Variants in EHBP1 observed in about 807,000 individuals in gnomAD.
EHBP1 encodes EH domain binding protein 1.
A neutral mutation model predicts 144.0 loss-of-function variants in EHBP1; 55 were observed. That is an observed-to-expected ratio of 0.38 (90% CI 0.31 to 0.48). The LOEUF (loss-of-function observed/expected upper bound fraction) is 0.48. EHBP1 is among the 20% of genes least tolerant of loss of function. The pLI, the probability that EHBP1 is intolerant of heterozygous loss-of-function variation, is 0.98. For missense variants in EHBP1, 1,200 were observed against 1,364.2 expected, an observed-to-expected ratio of 0.88 and a Z score of 1.90; for synonymous variants, 469 against 472.7, an observed-to-expected ratio of 0.99 and a Z score of 0.10.
intron 3 of EHBP1, among the ~76,000 whole-genome samples, chr2:62,759,416 G>A (rs1212124912): frequency 1.3e-5 from 2 of 151,818 alleles, no homozygotes; most frequent in African/African-American, 2.4e-5. Context: ...TTTTTCTTTT[G>A]TTTTTTTGAG....
At chr2:62,691,539 T>G (rs2033905158) in intron 1 of EHBP1, among the ~76,000 whole-genome samples, 1 of 152,224 alleles carries the variant, frequency 6.6e-6, no homozygotes, top group Non-Finnish European at 1.5e-5. Context: ...GGGGTTTTTA[T>G]TTCTAGAGAA....
intron 5 of EHBP1, among the ~76,000 whole-genome samples, chr2:62,782,019 C>A (rs2042455919): frequency 6.6e-6 from 1 of 152,134 alleles, no homozygotes; most frequent in African/African-American, 2.4e-5. Context: ...GTGACACGCC[C>A]AAGAACACAC....
chr2:62,955,504 C>A lies in EHBP1; in HGVS notation c.2317-13C>A. 6.3e-7 allele frequency: 1 copy of A among 1,585,342 alleles called. No homozygotes were observed. Among genetic ancestry groups the A allele is most frequent in the Admixed American group, 1.8e-5 (1 of 55,974 alleles). ...TTTTTTTTGGCTTCTAATTCTGTAT[C>A]TTTGCTTTTAAGCATCGATTGTTAT... On this transcript the variant is annotated splice_polypyrimidine_tract_variant and intron_variant, in intron 13 of 22. Coordinates refer to ENST00000431489, the MANE Select transcript of EHBP1 (RefSeq NM_001142616.3).
intron 5 of EHBP1, among the ~76,000 whole-genome samples, chr2:62,807,087 C>T (rs549022038): frequency 6.6e-6 from 1 of 152,170 alleles, no homozygotes; most frequent in South Asian, 2.1e-4. Context: ...ATGAAACCCA[C>T]TGACACTGAG....
At chr2:62,769,332 GT>G (rs1351589485) in intron 4 of EHBP1, among the ~76,000 whole-genome samples, 2 of 152,100 alleles carry the variant, frequency 1.3e-5, no homozygotes, top group African/African-American at 4.8e-5. Context: ...AAATCAATGT[GT>G]AAAAATCACT....
intron 1 of EHBP1, among the ~76,000 whole-genome samples, chr2:62,683,658 CAAA>C (rs397936534): frequency 0.027 from 1,349 of 50,008 alleles, 22 homozygotes; most frequent in East Asian, 0.12. Context: ...GACTCCATCT[CAAA>C]AAAAAAAAAA....
intron 3 of EHBP1, among the ~76,000 whole-genome samples, chr2:62,749,296 C>T (rs568095012): frequency 6.6e-5 from 10 of 152,302 alleles, no homozygotes; most frequent in African/African-American, 2.2e-4. Context: ...TCATCCATGT[C>T]CCTTCAAAGG....
At chr2:62,753,618 C>T (rs2039971497) in intron 3 of EHBP1, among the ~76,000 whole-genome samples, 1 of 152,152 alleles carries the variant, frequency 6.6e-6, no homozygotes, top group African/African-American at 2.4e-5. Flanking sequence ...GTTCCATTCT[C>T]CCTGTCACTC....
intron 10 of EHBP1, among the ~76,000 whole-genome samples, chr2:62,933,553 G>T (rs959042852): frequency 6.6e-6 from 1 of 152,054 alleles, no homozygotes; most frequent in Non-Finnish European, 1.5e-5. Flanking sequence ...TATTTCTTTG[G>T]AAAACATTGA....
chr2:62,693,688 C>T (rs1318408858), intron 1 of EHBP1, among the ~76,000 whole-genome samples: 3 of 152,156 alleles, frequency 2.0e-5, no homozygotes, highest in African/African-American at 7.2e-5. Context: ...ACTATAGTCA[C>T]CCTACTGTGC....
In EHBP1 at chr2:62,921,671, A is replaced by G. The variant is rs557427154; in HGVS notation, c.1186-21047A>G. ...TAAGTCCCTTCTTATCACAAATTACAGTAGACCACTCGACAATGTAGGGAT... is the reference window on the plus strand; with the variant it reads ...TAAGTCCCTTCTTATCACAAATTACGGTAGACCACTCGACAATGTAGGGAT... On this transcript the variant is annotated intron_variant, in intron 10 of 22. Coordinates refer to ENST00000431489, the MANE Select transcript of EHBP1 (RefSeq NM_001142616.3). Among the ~76,000 whole-genome samples, 35 of 152,286 alleles carry G rather than the reference A, an allele frequency of 2.3e-4. No homozygotes were observed. In the South Asian group the frequency reaches 3.5e-3, roughly 15 times the overall value.
intron 15 of EHBP1, among the ~76,000 whole-genome samples, chr2:62,983,780 G>A (rs2059073745): frequency 6.6e-6 from 1 of 152,238 alleles, no homozygotes; most frequent in Non-Finnish European, 1.5e-5. Context: ...GACCTCAGGT[G>A]ATCCGTCTGC....
At chr2:62,806,356 T>G (rs778925339) in intron 5 of EHBP1, among the ~76,000 whole-genome samples, 9 of 151,932 alleles carry the variant, frequency 5.9e-5, no homozygotes, top group Non-Finnish European at 1.2e-4. Flanking sequence ...CTTTTTGTGG[T>G]TTTTCGTTTG....
At chr2:62,753,182 T>TG (rs2039923796) in intron 3 of EHBP1, among the ~76,000 whole-genome samples, 1 of 152,354 alleles carries the variant, frequency 6.6e-6, no homozygotes, top group South Asian at 2.1e-4. Context: ...CATGAGCTCT[T>TG]GTAGGGCAGG....
chr2:62,898,828 G>A (rs1186713336), intron 10 of EHBP1, among the ~76,000 whole-genome samples: 1 of 152,058 alleles, frequency 6.6e-6, no homozygotes, highest in Non-Finnish European at 1.5e-5. Flanking sequence ...ATCCTGGCTC[G>A]GCCTTTAATA....
At chr2:62,966,646 T>C (rs2058260178) in intron 14 of EHBP1, among the ~76,000 whole-genome samples, 1 of 152,170 alleles carries the variant, frequency 6.6e-6, no homozygotes, top group Non-Finnish European at 1.5e-5. Flanking sequence ...TTTCATAATA[T>C]TAAAAATTTA....
In EHBP1 at chr2:62,948,687, G is replaced by A; in HGVS notation, c.1841G>A (p.Ser614Asn). 8 of 1,614,002 alleles carry A rather than the reference G, an allele frequency of 5.0e-6. No homozygotes were observed. In the South Asian group the frequency reaches 8.8e-5, roughly 18 times the overall value. ...TASPYCRRTK[S>N]DTEPQKSQQS... is the part of the protein sequence containing the mutation. ...TCCCCTTACTGTCGCAGGACTAAAA[G>A]TGACACAGAACCCCAGAAGTCTCAG... Residue 614 changes from serine (S) to asparagine (N), a missense_variant, in exon 13 of 23, where the codon AGT becomes AAT. Transcript: ENST00000431489.
intron 21 of EHBP1, chr2:63,044,844 C>G (rs1340166129): frequency 4.2e-6 from 2 of 472,914 alleles, no homozygotes; most frequent in Non-Finnish European, 7.8e-6. Context: ...GGTTCCAACA[C>G]TGCTGCAGCC....
At chr2:62,916,601 A>G (rs1193286778) in intron 10 of EHBP1, among the ~76,000 whole-genome samples, 1 of 151,794 alleles carries the variant, frequency 6.6e-6, no homozygotes, top group Non-Finnish European at 1.5e-5. Flanking sequence ...TCAAAAAAAA[A>G]AAAAATTTAA....
Sources: gnomAD v4.1 joint callset for allele counts (sites outside exome capture counted in the v4.1 genomes callset) on GRCh38, gnomAD v4.1.1 for gene constraint, MANE v1.5 for transcripts, NCBI Gene and HGNC (gene_info 2026-07-23, HGNC 2026-07-21) for gene names.